USP31: variants seen among roughly 807,000 people sequenced by gnomAD.
USP31 encodes ubiquitin carboxyl-terminal hydrolase 31.
A neutral mutation model predicts 119.4 loss-of-function variants in USP31; 44 were observed. That is an observed-to-expected ratio of 0.37 (90% CI 0.29 to 0.47). The LOEUF (loss-of-function observed/expected upper bound fraction) is 0.47. USP31 is among the 20% of genes least tolerant of loss of function. The probability of loss-of-function intolerance (pLI) is 0.99; values close to 1 mark genes in which losing one functional copy is unlikely to be tolerated. For synonymous variants in USP31, 749 were observed against 705.6 expected (o/e 1.06, Z -0.97); for missense variants, 1,643 against 1,730.2 (o/e 0.95, Z 0.89).
At chr16:23,131,158 T>C (rs1399352236) in intron 1 of USP31, among the ~76,000 whole-genome samples, 1 of 152,134 alleles carries the variant, frequency 6.6e-6, no homozygotes, top group East Asian at 1.9e-4. Flanking sequence ...ACAAAAATTA[T>C]CCAGGCATGG....
chr16:23,091,857 G>A (rs1901377294), intron 6 of USP31, among the ~76,000 whole-genome samples: 1 of 152,182 alleles, frequency 6.6e-6, no homozygotes, highest in African/African-American at 2.4e-5. Flanking sequence ...AGGAACAGGA[G>A]TAGATCTTAC....
chr16:23,125,509 A>T (rs1902825606), intron 1 of USP31, among the ~76,000 whole-genome samples: 1 of 152,156 alleles, frequency 6.6e-6, no homozygotes, highest in South Asian at 2.1e-4. Context: ...AAAGCAGCCA[A>T]TACTCCTTTC....
Position 23,080,158 on chromosome 16 carries a change from C to A in USP31, c.1964G>T (p.Arg655Leu), listed in dbSNP as rs114468071. ...LKRFRQEGDR[R>L]MKLQNMVKFP... ...TTTGACCATGTTCTGAAGTTTCATGCGCCTGTCTCCTTCCTGTTGCAAGAA... is the reference window on the plus strand; with the variant it reads ...TTTGACCATGTTCTGAAGTTTCATGAGCCTGTCTCCTTCCTGTTGCAAGAA... The change falls in exon 13 of 16, where the codon CGC becomes CTC. Residue 655 changes from arginine (R) to leucine (L), a missense_variant. By Grantham distance (102) the Arg-to-Leu change is moderately radical. Transcript: ENST00000219689. 3.2e-5 allele frequency: 50 copies of A among 1,546,958 alleles called. No individual in the cohort carries two copies. The highest frequency in any genetic ancestry group is 5.0e-5 in the South Asian group (4 of 79,714).
At chr16:23,092,922 C>G (rs902651380) in intron 6 of USP31, among the ~76,000 whole-genome samples, 23 of 152,074 alleles carry the variant, frequency 1.5e-4, no homozygotes, top group African/African-American at 5.6e-4. Context: ...AGCACCAAGA[C>G]CATTCAATGA....
chr16:23,130,323 C>T (rs1321756841), intron 1 of USP31, among the ~76,000 whole-genome samples: 1 of 152,116 alleles, frequency 6.6e-6, no homozygotes, highest in Non-Finnish European at 1.5e-5. Flanking sequence ...TGGTGGCTCA[C>T]GCCCATAATC....
At chr16:23,117,746 C>CCTTT (rs1276284765) in intron 1 of USP31, among the ~76,000 whole-genome samples, 17 of 131,990 alleles carry the variant, frequency 1.3e-4, no homozygotes, top group Non-Finnish European at 2.7e-4. Context: ...GATTTTTTTC[C>CCTTT]TTTTCTTTTT....
intron 14 of USP31, among the ~76,000 whole-genome samples, chr16:23,073,014 C>T (rs1051903793): frequency 7.9e-5 from 12 of 152,188 alleles, no homozygotes; most frequent in African/African-American, 1.9e-4. Flanking sequence ...CCTGATTGCA[C>T]ATCACCACAT....
chr16:23,141,683 A>C (rs1318024378), intron 1 of USP31, among the ~76,000 whole-genome samples: 1 of 152,140 alleles, frequency 6.6e-6, no homozygotes, highest in Non-Finnish European at 1.5e-5. Flanking sequence ...GGCCTACTGT[A>C]ATTTTTAATT....
chr16:23,140,900 C>T (rs1219437852), intron 1 of USP31, among the ~76,000 whole-genome samples: 2 of 152,216 alleles, frequency 1.3e-5, no homozygotes, highest in Non-Finnish European at 2.9e-5. Context: ...TTAGCAAGTT[C>T]TGTCAAGAGT....
chr16:23,080,999 G>A lies in USP31; in HGVS notation c.1951-828C>T, dbSNP rs145243641. On this transcript the variant is annotated intron_variant, in intron 12 of 15. Coordinates refer to ENST00000219689, the MANE Select transcript of USP31 (RefSeq NM_020718.4). ...CAGTGCACAGAACATGTTAGAAATA[G>A]GAGTAATGGAGGTGAAAAATCAATT... is the stretch of plus-strand genomic sequence containing the variant. 9.1e-3 allele frequency among the ~76,000 whole-genome samples: 1,393 copies of A among 152,266 alleles called. 17 individuals carry two copies. Among genetic ancestry groups the A allele is most frequent in the African/African-American group, 0.029 (1,208 of 41,536 alleles).
At chr16:23,070,908 T>C (rs949928585) in intron 15 of USP31, among the ~76,000 whole-genome samples, 2 of 152,182 alleles carry the variant, frequency 1.3e-5, no homozygotes, top group African/African-American at 4.8e-5. Context: ...TATACAATGA[T>C]GATGCTTAAA....
intron 1 of USP31, among the ~76,000 whole-genome samples, chr16:23,142,533 C>A (rs56254620): frequency 0.015 from 2,241 of 152,240 alleles, 51 homozygotes; most frequent in African/African-American, 0.052. Flanking sequence ...GGCCCAGGAC[C>A]CAGTTTGTGC....
intron 13 of USP31, among the ~76,000 whole-genome samples, chr16:23,075,176 A>C (rs1434134295): frequency 6.6e-6 from 1 of 152,220 alleles, no homozygotes; most frequent in Non-Finnish European, 1.5e-5. Flanking sequence ...CGGAACCAGA[A>C]GGGAAAGAAC....
chr16:23,078,211 C>T (rs565929566), intron 13 of USP31, among the ~76,000 whole-genome samples: 42 of 148,806 alleles, frequency 2.8e-4, no homozygotes, highest in Admixed American at 4.1e-4. Flanking sequence ...ACTCGGGAGG[C>T]TGAGGCAGGA....
chr16:23,082,374 T>C, intron 12 of USP31, 64 bp downstream of exon 12: 1 of 1,599,116 alleles, frequency 6.3e-7, no homozygotes, highest in Non-Finnish European at 8.6e-7. Flanking sequence ...ACAGAGCCCA[T>C]CAGCAGGGGG....
chr16:23,068,609 C>T lies in USP31; in HGVS notation c.3496G>A (p.Asp1166Asn). 1 of 1,614,190 alleles carries T rather than the reference C, an allele frequency of 6.2e-7. No individual in the cohort carries two copies. The highest frequency in any genetic ancestry group is 1.1e-5 in the South Asian group (1 of 91,084). ...GAGGTGGAGGTGGCGCTGGCTCTGT[C>T]AGAACCCAAGCTTTGTCTGGAGCCC... is the stretch of plus-strand genomic sequence containing the variant. ...REGSRQSLGS[D>N]RASATSTSKP... Residue 1166 changes from aspartate to asparagine, a missense_variant, in exon 16 of 16, where the codon GAC (aspartate) becomes AAC (asparagine). By Grantham distance (23) the Asp-to-Asn change is conservative. Coordinates refer to ENST00000219689, the MANE Select transcript of USP31 (RefSeq NM_020718.4).
chr16:23,095,286 A>T (rs968171877), intron 6 of USP31, among the ~76,000 whole-genome samples: 1 of 152,184 alleles, frequency 6.6e-6, no homozygotes, highest in African/African-American at 2.4e-5. Context: ...GCAAGAACAC[A>T]AGGTTAGAGA....
intron 5 of USP31, among the ~76,000 whole-genome samples, chr16:23,103,139 C>T (rs1157904672): frequency 6.6e-6 from 1 of 152,142 alleles, no homozygotes; most frequent in Non-Finnish European, 1.5e-5. Flanking sequence ...ATCATAATGT[C>T]TAACCTCCGT....
In USP31 at chr16:23,149,105, A is replaced by G. The variant is rs1168378187; in HGVS notation, c.166T>C (p.Ser56Pro). ...PAAPSSPSSP[S>P]SARSVGSFMS... The stretch of plus-strand genomic sequence containing the variant: ...AAGCTGCCCACCGAGCGTGCAGAGG[A>G]GGGCGAGGAGGGCGAGGAAGGCGCG... Residue 56 changes from serine (S) to proline (P), a missense_variant, in exon 1 of 16, where the codon TCC (serine) becomes CCC (proline). Ser to Pro is a moderately conservative substitution (Grantham distance 74). Transcript: ENST00000219689. 1 of 1,258,170 alleles carries G rather than the reference A, an allele frequency of 7.9e-7. No homozygotes were observed. The allele number at this position is 1,258,170 out of a possible 1,614,324, so 77.9% of individuals were successfully genotyped here.
Sources: gnomAD v4.1 joint callset for allele counts (sites outside exome capture counted in the v4.1 genomes callset) on GRCh38, gnomAD v4.1.1 for gene constraint, MANE v1.5 for transcripts, NCBI Gene and HGNC (gene_info 2026-07-23, HGNC 2026-07-21) for gene names.